The following HOOK3 variants were observed in gnomAD, a reference collection of about 807,000 sequenced individuals.
HOOK3 encodes the protein hook microtubule tethering protein 3.
HOOK3 carries 24 observed loss-of-function variants against 116.3 expected under a neutral mutation model. The observed-to-expected ratio is 0.21, with a 90% CI of 0.15 to 0.29. The LOEUF is 0.29. HOOK3 is among the 10% of genes least tolerant of loss of function. The pLI, the probability that HOOK3 is intolerant of heterozygous loss-of-function variation, is 1.00. For synonymous variants in HOOK3, 275 were observed against 283.0 expected (o/e 0.97, Z 0.28); for missense variants, 632 against 830.2 (o/e 0.76, Z 2.93).
intron 9 of HOOK3, among the ~76,000 whole-genome samples, chr8:42,964,733 A>G (rs899366133): frequency 1.3e-5 from 2 of 152,130 alleles, no homozygotes; most frequent in Non-Finnish European, 2.9e-5. Flanking sequence ...AGGCTGAGAA[A>G]TGAGAATCGC....
At chr8:43,002,477 T>C (rs948484685) in intron 17 of HOOK3, among the ~76,000 whole-genome samples, 2 of 152,216 alleles carry the variant, frequency 1.3e-5, no homozygotes, top group African/African-American at 4.8e-5. Flanking sequence ...AAAGCTGGTC[T>C]CTGTCACAGC....
Position 43,018,610 on chromosome 8 carries a change from A to G in HOOK3, c.*112A>G, listed in dbSNP as rs1319370502. 1.7e-5 allele frequency: 18 copies of G among 1,065,672 alleles called. No homozygotes were observed. Among genetic ancestry groups the G allele is most frequent in the South Asian group, 2.5e-5 (1 of 39,992 alleles). The allele number at this position is 1,065,672 out of a possible 1,614,324, so 66.0% of individuals were successfully genotyped here. On this transcript the variant is annotated 3_prime_UTR_variant, in exon 22 of 22. Transcript: ENST00000307602. ...TATTTTTTGTTTCTCTTCTATGTCA[A>G]TACTTAGTGTTTCTCATTTTGAGGA...
chr8:42,973,911 G>A (rs190848564), intron 12 of HOOK3, among the ~76,000 whole-genome samples, 196 bp from the exon 13 acceptor site: 27 of 152,336 alleles, frequency 1.8e-4, no homozygotes, highest in Non-Finnish European at 3.1e-4. Flanking sequence ...CCTGCACATA[G>A]TAGATATTCA....
At chr8:42,994,882 C>G (rs1225157980) in intron 15 of HOOK3, among the ~76,000 whole-genome samples, 2 of 152,220 alleles carry the variant, frequency 1.3e-5, no homozygotes, top group African/African-American at 2.4e-5. Flanking sequence ...ACAATGGCTT[C>G]CGCCTAGTTG....
At chr8:42,936,653 G>A (rs764287171) in intron 4 of HOOK3, among the ~76,000 whole-genome samples, 3 of 152,052 alleles carry the variant, frequency 2.0e-5, no homozygotes, top group South Asian at 2.1e-4. Flanking sequence ...ATAATTGTAC[G>A]GTTTTTGTCA....
chr8:42,934,498 CCAT>C (rs536986463), intron 4 of HOOK3, among the ~76,000 whole-genome samples: 1 of 151,944 alleles, frequency 6.6e-6, no homozygotes, highest in Non-Finnish European at 1.5e-5. Flanking sequence ...ACCCATCAAC[CCAT>C]CATCTATATT....
chr8:43,017,004 T>C (rs1809729571), intron 21 of HOOK3, among the ~76,000 whole-genome samples: 2 of 149,586 alleles, frequency 1.3e-5, no homozygotes, highest in African/African-American at 4.9e-5. Context: ...CAAGACTCCG[T>C]CTAAAAAAAA....
chr8:42,916,089 T>C (rs1024889548), intron 2 of HOOK3, among the ~76,000 whole-genome samples: 2 of 152,186 alleles, frequency 1.3e-5, no homozygotes, highest in Admixed American at 6.5e-5. Context: ...ATCCTCTGCC[T>C]CTCCATCAGA....
Position 42,943,429 on chromosome 8 carries a change from C to T in HOOK3, c.384C>T (p.Asn128=), listed in dbSNP as rs34112280. The change falls in exon 5 of 22, where the codon AAC becomes AAT. Residue 128 remains asparagine, a synonymous_variant. Transcript: ENST00000307602. ...AGCTCATCTTAGGCTGTGCTGTGAA[C>T]TGTGAACAGAAGCAAGGTAATTTGT... ...MLQLILGCAV[N]CEQKQEYIQA... The T allele has an allele frequency of 4.3e-3, 6,352 of 1,483,608 alleles. 20 individuals are homozygous for T. Among genetic ancestry groups the T allele is most frequent in the Non-Finnish European group, 5.0e-3 (5,526 of 1,111,888 alleles). The allele number at this position is 1,483,608 out of a possible 1,614,324, so 91.9% of individuals were successfully genotyped here. A position where few individuals can be genotyped will look rare whatever the true frequency, so the allele number is the denominator to read the frequency against.
At position 42,985,754 on chromosome 8, in the gene HOOK3, A is replaced by G. The variant is rs1376941621; in HGVS notation, c.1392-901A>G. ...AGACCCCGTCTCAAAAAAAAAAAAA[A>G]GTCCATGTTGCCCATAATAAAATAC... On this transcript the variant is annotated intron_variant, in intron 14 of 21. Transcript: ENST00000307602. Among the ~76,000 whole-genome samples, 3 of 152,054 alleles carry G rather than the reference A, an allele frequency of 2.0e-5. No individual in the cohort carries two copies. In the East Asian group the frequency reaches 5.8e-4, roughly 29 times the overall value.
intron 11 of HOOK3, among the ~76,000 whole-genome samples, chr8:42,971,480 G>T (rs111301999): frequency 0.01 from 1,593 of 152,026 alleles, 26 homozygotes; most frequent in African/African-American, 0.032. Flanking sequence ...TGTTGGCCAG[G>T]CTGGTCTTGA....
intron 8 of HOOK3, among the ~76,000 whole-genome samples, chr8:42,960,002 A>G (rs1563301503): frequency 6.6e-6 from 1 of 152,208 alleles, no homozygotes; most frequent in African/African-American, 2.4e-5. Context: ...AGGTAATCAC[A>G]TCACACTTGT....
In HOOK3 at chr8:43,025,089, G is replaced by C. The variant is rs1273109675; in HGVS notation, c.*6591G>C. The C allele has an allele frequency of 4.7e-6, 1 of 212,852 alleles. No homozygotes were observed. Among genetic ancestry groups the C allele is most frequent in the African/African-American group, 2.3e-5 (1 of 44,276 alleles). The allele number at this position is 212,852 out of a possible 1,614,324, so 13.2% of individuals were successfully genotyped here. A position where few individuals can be genotyped will look rare whatever the true frequency, so the allele number is the denominator to read the frequency against. ...ATTCTCCACATTGACTGAAATGATA[G>C]AGAAAGGGACATTTGTTTGAGAAAC... On this transcript the variant is annotated 3_prime_UTR_variant, in exon 22 of 22. Transcript: ENST00000307602.
At chr8:42,934,831 G>GCAC (rs1807936172) in intron 4 of HOOK3, among the ~76,000 whole-genome samples, 1 of 152,120 alleles carries the variant, frequency 6.6e-6, no homozygotes, top group African/African-American at 2.4e-5. Flanking sequence ...CTTTGCTATT[G>GCAC]TGAATAGTGC....
Position 42,944,372 on chromosome 8 carries a change from C to T in HOOK3, c.400+927C>T, listed in dbSNP as rs376760933. Among the ~76,000 whole-genome samples, 19 of 150,438 alleles carry T rather than the reference C, an allele frequency of 1.3e-4. 2 individuals carry two copies. Among genetic ancestry groups the T allele is most frequent in the East Asian group, 1.0e-3 (5 of 4,940 alleles). On this transcript the variant is annotated intron_variant, in intron 5 of 21. Coordinates refer to ENST00000307602, the MANE Select transcript of HOOK3 (RefSeq NM_032410.4). ...CAGAGGTTGCAATGAGCCAAGATCGCATCACTGCACTCCAGCCTGGGCGAC... is the reference window on the plus strand; with the variant it reads ...CAGAGGTTGCAATGAGCCAAGATCGTATCACTGCACTCCAGCCTGGGCGAC...
intron 15 of HOOK3, among the ~76,000 whole-genome samples, chr8:42,997,115 C>G (rs535249155): frequency 6.6e-6 from 1 of 152,166 alleles, no homozygotes; most frequent in African/African-American, 2.4e-5. Context: ...ACCATGCTGG[C>G]CAGGCTGGCC....
In HOOK3 at chr8:42,973,733, A is replaced by G. The variant is rs377742809; in HGVS notation, c.1233+334A>G. ...ATTAATAGAGGACTTTTTGTTGTTC[A>G]GCATATTTCAAATCTTTTAAAAATA... On this transcript the variant is annotated intron_variant, in intron 12 of 21. Transcript: ENST00000307602. Among the ~76,000 whole-genome samples the G allele has an allele frequency of 4.6e-5, 7 of 152,308 alleles. No individual in the cohort carries two copies. In the South Asian group the frequency reaches 1.0e-3, roughly 23 times the overall value.
Position 42,930,174 on chromosome 8 carries a change from TAA to T in HOOK3, c.267+4_267+5del. The T allele has an allele frequency of 6.5e-7, 1 of 1,535,244 alleles. No individual in the cohort carries two copies. Among genetic ancestry groups the T allele is most frequent in the Non-Finnish European group, 8.8e-7 (1 of 1,137,902 alleles). On this transcript the variant is annotated splice_donor_region_variant and intron_variant, in intron 4 of 21. Coordinates refer to ENST00000307602, the MANE Select transcript of HOOK3 (RefSeq NM_032410.4). ...GGAATCTTGGATTATAATCATGAGGTAAAGACTTTTTTCTCATTCTGCTTAGA... is the reference window on the plus strand; with the variant it reads ...GGAATCTTGGATTATAATCATGAGGTAGACTTTTTTCTCATTCTGCTTAGA...
intron 14 of HOOK3, 67 bp downstream of exon 14, chr8:42,982,763 A>G (rs1808976566): frequency 2.0e-6 from 2 of 988,838 alleles, no homozygotes; most frequent in Admixed American, 3.6e-5. Flanking sequence ...CTTCTCTACA[A>G]TATGAAGAAG....
Sources: allele counts gnomAD v4.1 joint callset (sites outside exome capture counted in the v4.1 genomes callset), GRCh38; gene constraint gnomAD v4.1.1; transcripts MANE v1.5; gene names NCBI Gene and HGNC (gene_info 2026-07-23, HGNC 2026-07-21).